The following PPP3CA variants were observed in gnomAD, a reference collection of about 807,000 sequenced individuals.
PPP3CA encodes the protein CAM-PRP catalytic subunit.
A neutral mutation model predicts 66.5 loss-of-function variants in PPP3CA; 14 were observed. The observed-to-expected ratio is 0.21, with a 90% confidence interval of 0.14 to 0.33. PPP3CA has a LOEUF of 0.33. Ranked by LOEUF, PPP3CA falls within the 10% of genes least tolerant of loss-of-function variation. PPP3CA has a pLI of 1.00. For missense variants in PPP3CA, 317 were observed against 639.5 expected, an observed-to-expected ratio of 0.50 and a Z score of 5.44; for synonymous variants, 232 against 226.2, an observed-to-expected ratio of 1.03 and a Z score of -0.23.
At chr4:101,150,425 C>T (rs1723101441) in intron 2 of PPP3CA, among the ~76,000 whole-genome samples, 1 of 152,134 alleles carries the variant, frequency 6.6e-6, no homozygotes, top group Non-Finnish European at 1.5e-5. Flanking sequence ...TTGCTCTTTA[C>T]TAACAACACT....
intron 6 of PPP3CA, among the ~76,000 whole-genome samples, chr4:101,092,595 C>A (rs1406431202): frequency 1.3e-5 from 2 of 151,998 alleles, no homozygotes; most frequent in Non-Finnish European, 2.9e-5. Context: ...TAGCCCCCCA[C>A]CCCCTGACAG....
At chr4:101,211,240 T>A (rs1448020081) in intron 1 of PPP3CA, among the ~76,000 whole-genome samples, 1 of 152,164 alleles carries the variant, frequency 6.6e-6, no homozygotes, top group Non-Finnish European at 1.5e-5. Context: ...TGTAGATAAG[T>A]GACTCATCCA....
intron 1 of PPP3CA, among the ~76,000 whole-genome samples, chr4:101,229,192 C>A (rs1356980842): frequency 6.6e-6 from 1 of 151,496 alleles, no homozygotes; most frequent in African/African-American, 2.4e-5. Flanking sequence ...ACCTAAGTGA[C>A]AAATTGAACA....
At chr4:101,091,217 C>T (rs1044671582) in intron 6 of PPP3CA, among the ~76,000 whole-genome samples, 5 of 152,130 alleles carry the variant, frequency 3.3e-5, no homozygotes, top group African/African-American at 1.2e-4. Flanking sequence ...GTAATTTAAA[C>T]ATCTAGGGTA....
At chr4:101,166,090 A>C (rs17030851) in intron 2 of PPP3CA, among the ~76,000 whole-genome samples, 22,925 of 152,134 alleles carry the variant, frequency 0.15, 2,372 homozygotes, top group East Asian at 0.3. Flanking sequence ...GCACATTCCA[A>C]CTTAAAAGTA....
At chr4:101,199,143 C>T (rs997757410) in intron 1 of PPP3CA, among the ~76,000 whole-genome samples, 1 of 152,170 alleles carries the variant, frequency 6.6e-6, no homozygotes, top group African/African-American at 2.4e-5. Flanking sequence ...AAAAGCATAC[C>T]AGCCTTACAA....
intron 10 of PPP3CA, among the ~76,000 whole-genome samples, chr4:101,057,773 C>T (rs781568307): frequency 6.6e-6 from 1 of 152,080 alleles, no homozygotes; most frequent in Admixed American, 6.6e-5. Flanking sequence ...GTATACAATG[C>T]CTCTCCTTGT....
At chr4:101,281,317 A>G (rs968553604) in intron 1 of PPP3CA, among the ~76,000 whole-genome samples, 1 of 152,226 alleles carries the variant, frequency 6.6e-6, no homozygotes, top group Non-Finnish European at 1.5e-5. Flanking sequence ...ACATGGGCTC[A>G]GGAGAAGCTT....
chr4:101,211,095 T>C (rs1292446074), intron 1 of PPP3CA, among the ~76,000 whole-genome samples: 1 of 152,196 alleles, frequency 6.6e-6, no homozygotes, highest in African/African-American at 2.4e-5. Context: ...TATTCTACTT[T>C]TTATATTCCA....
At position 101,109,668 on chromosome 4, in the gene PPP3CA, A is replaced by C. The variant is rs533000949; in HGVS notation, c.260-590T>G. On this transcript the variant is annotated intron_variant, in intron 2 of 13. Transcript: ENST00000394854. ...CGTACCACTAAGGCAAAAAAAAAAA[A>C]AAAAAACTCCAATTAAACTTAAATT... is the stretch of plus-strand genomic sequence containing the variant. Among the ~76,000 whole-genome samples the C allele has an allele frequency of 3.7e-3, 555 of 151,754 alleles. 5 individuals are homozygous for C. The highest frequency in any genetic ancestry group is 0.013 in the African/African-American group (537 of 41,360).
At chr4:101,220,025 GTCA>G (rs1180353592) in intron 1 of PPP3CA, among the ~76,000 whole-genome samples, 1 of 151,756 alleles carries the variant, frequency 6.6e-6, no homozygotes, top group Non-Finnish European at 1.5e-5. Flanking sequence ...TGCACGCCAT[GTCA>G]TCATTATAAT....
At chr4:101,079,441 C>A (rs988554751) in intron 8 of PPP3CA, among the ~76,000 whole-genome samples, 1 of 147,404 alleles carries the variant, frequency 6.8e-6, no homozygotes, top group East Asian at 2.0e-4. Flanking sequence ...TACAGTGGTG[C>A]GAGCTCGGCT....
At chr4:101,146,604 G>C (rs1722977840) in intron 2 of PPP3CA, among the ~76,000 whole-genome samples, 1 of 152,054 alleles carries the variant, frequency 6.6e-6, no homozygotes, top group African/African-American at 2.4e-5. Context: ...CACCACGCCA[G>C]GCTAATTTTT....
chr4:101,089,372 C>CT (rs138496179), intron 6 of PPP3CA, among the ~76,000 whole-genome samples: 7,953 of 152,190 alleles, frequency 0.052, 748 homozygotes, highest in African/African-American at 0.18. Context: ...AGAGTGTCAA[C>CT]TGCTGCACAG....
At chr4:101,172,567 T>C (rs1208310677) in intron 2 of PPP3CA, among the ~76,000 whole-genome samples, 7 of 152,118 alleles carry the variant, frequency 4.6e-5, no homozygotes, top group East Asian at 1.9e-4. Flanking sequence ...CTTTCCTTTC[T>C]TTTAAAATCT....
At chr4:101,334,188 G>A (rs1729551518) in intron 1 of PPP3CA, among the ~76,000 whole-genome samples, 1 of 151,758 alleles carries the variant, frequency 6.6e-6, no homozygotes, top group African/African-American at 2.4e-5. Context: ...AGGCTTGAGT[G>A]CAATGTCGTG....
At chr4:101,266,105 T>TATA (rs1560688670) in intron 1 of PPP3CA, among the ~76,000 whole-genome samples, 1 of 152,126 alleles carries the variant, frequency 6.6e-6, no homozygotes, top group Non-Finnish European at 1.5e-5. Flanking sequence ...GTGACTTAGA[T>TATA]ATAATAATAA....
chr4:101,125,307 C>G (rs1048090107), intron 2 of PPP3CA, among the ~76,000 whole-genome samples: 1 of 152,342 alleles, frequency 6.6e-6, no homozygotes, highest in East Asian at 1.9e-4. Flanking sequence ...ATCAACTTCT[C>G]TCTGCACTTT....
intron 1 of PPP3CA, among the ~76,000 whole-genome samples, chr4:101,267,509 G>A (rs1189634508): frequency 6.6e-6 from 1 of 152,100 alleles, no homozygotes; most frequent in Non-Finnish European, 1.5e-5. Flanking sequence ...TACGACTCCT[G>A]CTTTTGAGGG....
Sources: allele counts gnomAD v4.1 joint callset (sites outside exome capture counted in the v4.1 genomes callset), GRCh38; gene constraint gnomAD v4.1.1; transcripts MANE v1.5; gene names NCBI Gene and HGNC (gene_info 2026-07-23, HGNC 2026-07-21).